Variants in DNMT3B observed in about 807,000 individuals in gnomAD.
The protein encoded by DNMT3B is DNA methyltransferase 3 beta.
In DNMT3B, 37 loss-of-function variants were observed where a neutral mutation model predicts 120.2. The ratio of observed to expected loss-of-function variants is 0.31; its 90% CI spans 0.24 to 0.40. The LOEUF is 0.40. Ranked by LOEUF, DNMT3B falls within the 10% of genes least tolerant of loss-of-function variation. The probability of loss-of-function intolerance (pLI) is 1.00; values close to 1 mark genes in which losing one functional copy is unlikely to be tolerated. For missense variants in DNMT3B, 878 were observed against 1,137.3 expected (o/e 0.77, Z 3.28); for synonymous variants, 412 against 442.8 (o/e 0.93, Z 0.87).
chr20:32,795,459 T>A lies in DNMT3B; in HGVS notation c.1177T>A (p.Cys393Ser). The part of the protein sequence containing the change: ...TADDSATSDY[C>S]PAPKRLKTNC... The stretch of plus-strand genomic sequence containing the variant: ...TGACGACTCAGCCACCTCTGACTAC[T>A]GCCCCGCACCCAAGCGCCTCAAGAC... The change falls in exon 11 of 23, where the codon TGC (cysteine) becomes AGC (serine). Residue 393 changes from cysteine (C) to serine (S), a missense_variant. Physicochemically the swap from Cys to Ser is moderately radical, Grantham distance 112. This residue lies in a region of DNMT3B where 207 missense variants were observed against 222.6 expected (regional missense o/e 0.93). Coordinates refer to ENST00000328111, the MANE Select transcript of DNMT3B (RefSeq NM_006892.4). The A allele has an allele frequency of 6.2e-7, 1 of 1,614,138 alleles. No individual in the cohort carries two copies. The highest frequency in any genetic ancestry group is 8.5e-7 in the Non-Finnish European group (1 of 1,180,020).
chr20:32,771,761 G>A (rs1415939172), intron 1 of DNMT3B, among the ~76,000 whole-genome samples: 1 of 152,010 alleles, frequency 6.6e-6, no homozygotes, highest in Non-Finnish European at 1.5e-5. Context: ...TAGGTGTCTG[G>A]CTTTACTTAC....
At chr20:32,800,446 G>A in intron 17 of DNMT3B, 148 bp downstream of exon 17, 1 of 1,259,238 alleles carries the variant, frequency 7.9e-7, no homozygotes, top group East Asian at 2.5e-5. Flanking sequence ...TTAGGTTAGG[G>A]TCAGAAGTGG....
intron 1 of DNMT3B, among the ~76,000 whole-genome samples, chr20:32,769,187 C>T (rs1007785629): frequency 1.3e-5 from 2 of 152,070 alleles, no homozygotes; most frequent in Non-Finnish European, 2.9e-5. Context: ...CGGGTTCACG[C>T]CATTCTCCTG....
chr20:32,779,915 C>A, intron 1 of DNMT3B: 1 of 656,308 alleles, frequency 1.5e-6, no homozygotes. Flanking sequence ...TGAGCCCCTG[C>A]AGAGGCTGAG....
chr20:32,763,767 CTT>C (rs1439940829), intron 1 of DNMT3B, among the ~76,000 whole-genome samples: 5 of 152,236 alleles, frequency 3.3e-5, no homozygotes, highest in Non-Finnish European at 5.9e-5. Flanking sequence ...TCCCTGCTCC[CTT>C]TTCCTCCCCT....
At chr20:32,766,130 G>A (rs907765092) in intron 1 of DNMT3B, among the ~76,000 whole-genome samples, 1 of 152,118 alleles carries the variant, frequency 6.6e-6, no homozygotes, top group African/African-American at 2.4e-5. Flanking sequence ...GATCACTTAA[G>A]GCCAGGAGTT....
intron 22 of DNMT3B, 24 bp downstream of exon 22, chr20:32,806,351 G>C (rs1365234746): frequency 6.2e-7 from 1 of 1,608,138 alleles, no homozygotes; most frequent in East Asian, 2.2e-5. Context: ...CACTTGGAGA[G>C]GGAAACTGTG....
chr20:32,784,296 A>G (rs976281663), intron 3 of DNMT3B, among the ~76,000 whole-genome samples: 8 of 152,174 alleles, frequency 5.3e-5, no homozygotes, highest in Non-Finnish European at 1.2e-4. Flanking sequence ...CAGACTCCCA[A>G]AGTGTTGGGA....
chr20:32,774,590 TG>T (rs1446605966), intron 1 of DNMT3B, among the ~76,000 whole-genome samples: 1 of 150,152 alleles, frequency 6.7e-6, no homozygotes, highest in Non-Finnish European at 1.5e-5. Context: ...TGGTGGGGAT[TG>T]GGCTTCTGGT....
intron 22 of DNMT3B, 69 bp from the exon 23 acceptor site, chr20:32,807,693 G>C (rs1982119138): frequency 1.9e-6 from 3 of 1,607,942 alleles, no homozygotes; most frequent in African/African-American, 1.3e-5. Context: ...AGTGGGACCT[G>C]GCTGGTTGAG....
Position 32,787,387 on chromosome 20 carries a change from A to C in DNMT3B, c.590A>C (p.Gln197Pro). ...PYARLAQDSQ[Q>P]GGMESPQVEA... ...GCCCGCCTAGCCCAGGACAGCCAGC[A>C]GGGGGGCATGGAGTCCCCGCAGGTG... Residue 197 changes from glutamine (Q) to proline (P), a missense_variant, in exon 6 of 23, where the codon CAG (glutamine) becomes CCG (proline). By Grantham distance (76) the Gln-to-Pro change is moderately conservative (BLOSUM62 -1). Coordinates refer to ENST00000328111, the MANE Select transcript of DNMT3B (RefSeq NM_006892.4). 6.2e-7 allele frequency: 1 copy of C among 1,614,188 alleles called. No homozygotes were observed. The highest frequency in any genetic ancestry group is 8.5e-7 in the Non-Finnish European group (1 of 1,180,024).
rs1429917741 is a variant in DNMT3B, at chr20:32,762,410, C to G, written c.-296C>G. 1 of 155,380 alleles carries G rather than the reference C, an allele frequency of 6.4e-6. No homozygotes were observed. Among genetic ancestry groups the G allele is most frequent in the East Asian group, 1.9e-4 (1 of 5,256 alleles). The allele number at this position is 155,380 out of a possible 1,614,324, so 9.6% of individuals were successfully genotyped here. A position where few individuals can be genotyped will look rare whatever the true frequency, so the allele number is the denominator to read the frequency against. On this transcript the variant is annotated 5_prime_UTR_variant, in exon 1 of 23. Coordinates refer to ENST00000328111, the MANE Select transcript of DNMT3B (RefSeq NM_006892.4). ...ACCCACTCCCGCTGCCCCGTCCGGC[C>G]CGCGCCGCTTCCTCGCAGCAGCTGC... is the stretch of plus-strand genomic sequence containing the variant.
chr20:32,801,137 T>C (rs1981289881), intron 18 of DNMT3B, 141 bp from the exon 19 acceptor site: 11 of 1,321,440 alleles, frequency 8.3e-6, no homozygotes, highest in Non-Finnish European at 1.1e-5. Context: ...GTGTCCCTGC[T>C]GTCATTCAGG....
At chr20:32,781,474 G>A (rs548919805) in intron 3 of DNMT3B, 60 bp downstream of exon 3, 135 of 1,590,162 alleles carry the variant, frequency 8.5e-5, no homozygotes, top group Middle Eastern at 6.7e-4. Flanking sequence ...CTTTCATCAC[G>A]TGGGCTGCCT....
Position 32,779,973 on chromosome 20 carries a change from G to A in DNMT3B, c.-6-345G>A, listed in dbSNP as rs185118162. On this transcript the variant is annotated intron_variant, in intron 1 of 22. Transcript: ENST00000328111. ...GAGGGGACAGAGGCTGGCGGCAGAC[G>A]GGCCGGGACAGGCAGGTCCTAAATG... is the stretch of plus-strand genomic sequence containing the variant. 518 of 1,106,596 alleles carry A rather than the reference G, an allele frequency of 4.7e-4. 2 individuals are homozygous for A. Among genetic ancestry groups the A allele is most frequent in the Non-Finnish European group, 6.0e-4 (456 of 755,856 alleles). 68.5% of individuals were successfully genotyped at this position (1,106,596 alleles called of 1,614,324 possible).
At chr20:32,793,643 CTTCTGAT>C in intron 10 of DNMT3B, 48 bp downstream of exon 10, 1 of 1,596,906 alleles carries the variant, frequency 6.3e-7, no homozygotes, top group Non-Finnish European at 8.6e-7. Context: ...TATGCACTTT[CTTCTGAT>C]TTCTTTGCAT....
At chr20:32,783,367 A>T (rs1978859005) in intron 3 of DNMT3B, among the ~76,000 whole-genome samples, 1 of 152,202 alleles carries the variant, frequency 6.6e-6, no homozygotes, top group African/African-American at 2.4e-5. Context: ...GACTTGCTAC[A>T]TTATCAAGCT....
intron 22 of DNMT3B, 34 bp from the exon 23 acceptor site, chr20:32,807,728 C>T: frequency 6.2e-7 from 1 of 1,613,214 alleles, no homozygotes; most frequent in Non-Finnish European, 8.5e-7. Context: ...GGAGGCACTT[C>T]TGACTTGCTG....
chr20:32,787,392 G>C lies in DNMT3B; in HGVS notation c.595G>C (p.Gly199Arg), dbSNP rs1979451956. Residue 199 changes from glycine (G) to arginine (R), a missense_variant, in exon 6 of 23, where the codon GGC becomes CGC. Around this residue, in one of 4 missense-constraint regions of DNMT3B, gnomAD observed 287 missense variants for 306.2 expected, o/e 0.94. Coordinates refer to ENST00000328111, the MANE Select transcript of DNMT3B (RefSeq NM_006892.4). ...ARLAQDSQQG[G>R]MESPQVEADS... ...CCTAGCCCAGGACAGCCAGCAGGGG[G>C]GCATGGAGTCCCCGCAGGTGGAGGC... 2 of 1,614,214 alleles carry C rather than the reference G, an allele frequency of 1.2e-6. No individual in the cohort carries two copies. Among genetic ancestry groups the C allele is most frequent in the Non-Finnish European group, 1.7e-6 (2 of 1,180,040 alleles).
Sources: gnomAD v4.1 joint callset for allele counts (sites outside exome capture counted in the v4.1 genomes callset) on GRCh38, gnomAD v4.1.1 for gene constraint, gnomAD v4.1.1 regional missense constraint, MANE v1.5 for transcripts, NCBI Gene and HGNC (gene_info 2026-07-23, HGNC 2026-07-21) for gene names.